Variants in CROT observed in about 807,000 individuals in gnomAD.
CROT encodes peroxisomal carnitine O-octanoyltransferase.
Under a neutral mutation model 89.2 loss-of-function variants are expected in CROT, and 84 were observed. The observed-to-expected ratio is 0.94, with a 90% confidence interval of 0.79 to 1.13. The LOEUF (loss-of-function observed/expected upper bound fraction) is 1.13, where lower values mean the gene tolerates loss of function less well. CROT is among the 50% of genes most tolerant of loss of function. The pLI is 0.00. For synonymous variants in CROT, 212 were observed against 239.5 expected, an observed-to-expected ratio of 0.89 and a Z score of 1.06; for missense variants, 711 against 727.8, an observed-to-expected ratio of 0.98 and a Z score of 0.27.
chr7:87,382,816 C>T (rs1357300792), intron 13 of CROT, among the ~76,000 whole-genome samples: 1 of 152,060 alleles, frequency 6.6e-6, no homozygotes, highest in Admixed American at 6.6e-5. Context: ...GCATTCAGAT[C>T]GCTTGGTTTT....
At chr7:87,349,886 G>A (rs1433304231) in intron 3 of CROT, among the ~76,000 whole-genome samples, 2 of 152,160 alleles carry the variant, frequency 1.3e-5, no homozygotes, top group Non-Finnish European at 2.9e-5. Context: ...GATGTTGATG[G>A]TTGGGACAGG....
In CROT at chr7:87,392,576, G is replaced by A. The variant is rs549504969; in HGVS notation, c.1436G>A (p.Arg479Gln). Residue 479 changes from arginine to glutamine, a missense_variant, in exon 15 of 18, where the codon CGG (arginine) becomes CAG (glutamine). Transcript: ENST00000331536. ...CGATTTTTAATACAGCTTCGTGAGC[G>A]GCAGCAAAAGATGTTACAAGCTTTT... is the stretch of plus-strand genomic sequence containing the variant. ...MQDPSVNLRE[R>Q]QQKMLQAFAK... 72 of 1,612,888 alleles carry A rather than the reference G, an allele frequency of 4.5e-5. No individual in the cohort carries two copies. The highest frequency in any genetic ancestry group is 3.1e-4 in the African/African-American group (23 of 74,942).
Position 87,359,215 on chromosome 7 carries a change from T to C in CROT, c.125T>C (p.Phe42Ser). The change falls in exon 4 of 18, where the codon TTT becomes TCT. Residue 42 changes from phenylalanine (F) to serine (S), a missense_variant. Transcript: ENST00000331536. Reference sequence around the variant, plus strand: ...TATTTTTCCTTTCTAGTGAAACCATTTGCAAATCAAGAAGAATATAAGAAA... The same window carrying C: ...TATTTTTCCTTTCTAGTGAAACCATCTGCAAATCAAGAAGAATATAAGAAA... Reference protein sequence around the residue: ...LKKYLESVKPFANQEEYKKTE... With the variant: ...LKKYLESVKPSANQEEYKKTE... The C allele has an allele frequency of 6.3e-7, 1 of 1,577,656 alleles. No individual in the cohort carries two copies. Among genetic ancestry groups the C allele is most frequent in the Non-Finnish European group, 8.7e-7 (1 of 1,151,584 alleles).
Position 87,392,955 on chromosome 7 carries a change from G to C in CROT, c.1606G>C (p.Gly536Arg). 1 of 1,613,614 alleles carries C rather than the reference G, an allele frequency of 6.2e-7. No homozygotes were observed. Among genetic ancestry groups the C allele is most frequent in the Non-Finnish European group, 8.5e-7 (1 of 1,179,692 alleles). Residue 536 changes from glycine (G) to arginine (R), a missense_variant, in exon 17 of 18, where the codon GGT becomes CGT. By Grantham distance (125) the Gly-to-Arg change is moderately radical. Coordinates refer to ENST00000331536, the MANE Select transcript of CROT (RefSeq NM_021151.4). ...TDPLFSKSGG[G>R]GNFVLSTSLV... ...TTTTATTGTGCCACACAGCGGAGGA[G>C]GTGGAAATTTTGTTCTCTCAACAAG...
intron 13 of CROT, among the ~76,000 whole-genome samples, chr7:87,386,006 A>G (rs1184963573): frequency 6.6e-6 from 1 of 152,232 alleles, no homozygotes; most frequent in African/African-American, 2.4e-5. Context: ...ATGTTGAACC[A>G]TCTGAATCCC....
At chr7:87,372,018 A>C (rs1171069344) in intron 7 of CROT, among the ~76,000 whole-genome samples, 3 of 151,320 alleles carry the variant, frequency 2.0e-5, no homozygotes, top group South Asian at 2.1e-4. Flanking sequence ...AAAAAAAAAA[A>C]AACAAAAAAA....
intron 3 of CROT, chr7:87,357,417 A>G: frequency 6.6e-7 from 1 of 1,525,340 alleles, no homozygotes; most frequent in Non-Finnish European, 8.9e-7. Context: ...TAGGATGCCA[A>G]GACAGACCCC....
At position 87,369,007 on chromosome 7, in the gene CROT, C is replaced by T. The variant is rs183187240; in HGVS notation, c.548-369C>T. Among the ~76,000 whole-genome samples the T allele has an allele frequency of 2.1e-3, 314 of 152,222 alleles. 1 individual carries two copies. The highest frequency in any genetic ancestry group is 7.2e-3 in the African/African-American group (300 of 41,534). ...GATGAGTAATTAACATTAAAATAAT[C>T]CAAAAGAGAAACCTGTTAATTCAAA... On this transcript the variant is annotated intron_variant, in intron 6 of 17. Coordinates refer to ENST00000331536, the MANE Select transcript of CROT (RefSeq NM_021151.4).
At chr7:87,352,832 G>T (rs145612764) in intron 3 of CROT, among the ~76,000 whole-genome samples, 43 of 152,278 alleles carry the variant, frequency 2.8e-4, no homozygotes, top group Non-Finnish European at 1.5e-5. Context: ...TAATATCAAG[G>T]CATAGAAAAT....
intron 10 of CROT, 111 bp from the exon 11 acceptor site, chr7:87,381,799 G>A (rs940177800): frequency 3.1e-6 from 2 of 647,160 alleles, no homozygotes; most frequent in African/African-American, 3.7e-5. Context: ...GGCATTTGAA[G>A]ACTCTATGCT....
intron 7 of CROT, among the ~76,000 whole-genome samples, chr7:87,374,595 A>AAG (rs1201335471): frequency 1.3e-5 from 2 of 152,068 alleles, no homozygotes; most frequent in Non-Finnish European, 2.9e-5. Flanking sequence ...AGTAAGCAGG[A>AAG]AGAGAGGCAA....
intron 6 of CROT, among the ~76,000 whole-genome samples, chr7:87,367,360 A>G (rs1806481719): frequency 6.6e-6 from 1 of 152,164 alleles, no homozygotes; most frequent in Non-Finnish European, 1.5e-5. Context: ...TGGAAAAAGG[A>G]AGGAAACCAA....
At chr7:87,348,178 A>T (rs541062083) in intron 2 of CROT, among the ~76,000 whole-genome samples, 1 of 151,940 alleles carries the variant, frequency 6.6e-6, no homozygotes, top group African/African-American at 2.4e-5. Flanking sequence ...TGCTATTTTA[A>T]CATATAATTA....
At position 87,371,022 on chromosome 7, in the gene CROT, T is replaced by C. The variant is rs77638559; in HGVS notation, c.656+1538T>C. Among the ~76,000 whole-genome samples the C allele has an allele frequency of 8.6e-3, 1,306 of 152,334 alleles. 20 individuals carry two copies. Among genetic ancestry groups the C allele is most frequent in the African/African-American group, 0.03 (1,237 of 41,574 alleles). On this transcript the variant is annotated intron_variant, in intron 7 of 17. Transcript: ENST00000331536. ...TACACAGAGTAGAAGATGTTTATAA[T>C]TGATCTTTTGTTCTATTAAACACAT...
chr7:87,396,273 T>C (rs1807521387), intron 17 of CROT, among the ~76,000 whole-genome samples: 1 of 151,972 alleles, frequency 6.6e-6, no homozygotes, highest in Admixed American at 6.6e-5. Context: ...TATTAAAAAA[T>C]TTGAAAAATC....
intron 13 of CROT, 52 bp downstream of exon 13, chr7:87,382,595 CTTTTTT>C: frequency 6.5e-7 from 1 of 1,538,764 alleles, no homozygotes; most frequent in South Asian, 1.3e-5. Context: ...AAGGGTATAT[CTTTTTT>C]TATAGCTATT....
intron 14 of CROT, 39 bp from the exon 15 acceptor site, chr7:87,392,524 TGCA>T (rs760928469): frequency 2.1e-5 from 32 of 1,514,950 alleles, no homozygotes; most frequent in Admixed American, 6.9e-5. Context: ...AGTTGGGTTT[TGCA>T]CAGTGTGTTA....
rs1232929304 is a variant in CROT, at chr7:87,382,128, G to A, written c.1117G>A (p.Asp373Asn). 1 of 1,613,478 alleles carries A rather than the reference G, an allele frequency of 6.2e-7. No homozygotes were observed. Among genetic ancestry groups the A allele is most frequent in the Non-Finnish European group, 8.5e-7 (1 of 1,179,774 alleles). Residue 373 changes from aspartate (D) to asparagine (N), a missense_variant, in exon 12 of 18, where the codon GAT (aspartate) becomes AAT (asparagine). Asp to Asn is a conservative substitution (Grantham distance 23). Coordinates refer to ENST00000331536, the MANE Select transcript of CROT (RefSeq NM_021151.4). Reference protein sequence around the residue: ...PLPEELIFIVDEKVLNDINQA... With the variant: ...PLPEELIFIVNEKVLNDINQA... ...TCCAGAAGAGCTCATTTTCATTGTG[G>A]ATGAGAAAGTTTTAAATGACATCAA...
intron 6 of CROT, among the ~76,000 whole-genome samples, chr7:87,367,871 T>G (rs928367295): frequency 6.6e-6 from 1 of 152,224 alleles, no homozygotes; most frequent in African/African-American, 2.4e-5. Context: ...TGTTCTCACC[T>G]GGACAACTTT....
Sources: gnomAD v4.1 joint callset for allele counts (sites outside exome capture counted in the v4.1 genomes callset) on GRCh38, gnomAD v4.1.1 for gene constraint, MANE v1.5 for transcripts, NCBI Gene and HGNC (gene_info 2026-07-23, HGNC 2026-07-21) for gene names.